Variants in PIP5K1A observed in about 807,000 individuals in gnomAD.
The protein encoded by PIP5K1A is phosphatidylinositol-4-phosphate 5-kinase type 1 alpha.
Under a neutral mutation model 72.9 loss-of-function variants are expected in PIP5K1A, and 46 were observed. The observed-to-expected ratio is 0.63, with a 90% CI of 0.50 to 0.81. PIP5K1A has a LOEUF of 0.81. Among genes scored for constraint, PIP5K1A ranks in the 30% least tolerant of loss-of-function variants. The pLI is 0.00. For synonymous variants in PIP5K1A, 228 were observed against 255.1 expected, an observed-to-expected ratio of 0.89 and a Z score of 1.01; for missense variants, 458 against 706.1, an observed-to-expected ratio of 0.65 and a Z score of 3.98.
chr1:151,232,769 TTCAGCAGGGTAAAACAGTG>T, intron 7 of PIP5K1A, 66 bp downstream of exon 7: 1 of 1,402,520 alleles, frequency 7.1e-7, no homozygotes, highest in Non-Finnish European at 1.0e-6. Flanking sequence ...GGAGGCTGTC[TTCAGCAGGGTAAAACAGTG>T]TCAGCACTTC....
At chr1:151,197,522 A>G (rs893959025), upstream of PIP5K1A, among the ~76,000 whole-genome samples, 2 of 150,182 alleles carry the variant, frequency 1.3e-5, no homozygotes, top group Admixed American at 6.6e-5. Flanking sequence ...CTCGTGATCC[A>G]CCCGCCTCGG....
At position 151,247,860 on chromosome 1, in the gene PIP5K1A, C is replaced by T. The variant is rs773468183; in HGVS notation, c.1687-3C>T. ...TCCTTAACTTTACACTCTCCCTTTT[C>T]AGTAAGCGCAAAGCCTCAGAAGACC... On this transcript the variant is annotated splice_region_variant and splice_polypyrimidine_tract_variant and intron_variant, in intron 15 of 15. Transcript: ENST00000368888. 34 of 1,609,400 alleles carry T rather than the reference C, an allele frequency of 2.1e-5. No individual in the cohort carries two copies. Among genetic ancestry groups the T allele is most frequent in the Non-Finnish European group, 2.9e-5 (34 of 1,176,124 alleles).
At chr1:151,215,026 CTTTTTTTTTTTTTT>C (rs981508990) in intron 1 of PIP5K1A, among the ~76,000 whole-genome samples, 1 of 115,088 alleles carries the variant, frequency 8.7e-6, no homozygotes, top group South Asian at 2.8e-4. Context: ...CCTGTGCATT[CTTTTTTTTTTTTTT>C]TTTTTTTGAG....
At chr1:151,223,219 C>T (rs748350596) in intron 1 of PIP5K1A, among the ~76,000 whole-genome samples, 2 of 151,860 alleles carry the variant, frequency 1.3e-5, no homozygotes, top group Non-Finnish European at 2.9e-5. Context: ...GGCATGGTGG[C>T]GGGCACCTGT....
chr1:151,239,923 C>CCTT (rs3842532), intron 11 of PIP5K1A, 32 bp from the exon 12 acceptor site: 1,305,160 of 1,531,698 alleles, frequency 0.85, 558,958 homozygotes, highest in Non-Finnish European at 0.88. Flanking sequence ...TGCCGGGCCT[C>CCTT]CTAACTCTAT....
intron 1 of PIP5K1A, among the ~76,000 whole-genome samples, chr1:151,217,384 C>T (rs927098480): frequency 6.6e-5 from 10 of 152,158 alleles, no homozygotes; most frequent in Non-Finnish European, 1.3e-4. Flanking sequence ...TGTGTGTGAA[C>T]TAACTTTACT....
intron 6 of PIP5K1A, 28 bp downstream of exon 6, chr1:151,232,393 G>A (rs1353245366): frequency 6.5e-7 from 1 of 1,529,334 alleles, no homozygotes; most frequent in East Asian, 2.2e-5. Flanking sequence ...AGGACACTGT[G>A]ACTCCAGTAT....
rs57872660 is a variant in PIP5K1A, at chr1:151,202,849, T to G, written c.85+3768T>G. On this transcript the variant is annotated intron_variant, in intron 1 of 15. Transcript: ENST00000368888. Reference sequence around the variant, plus strand: ...GTGCGGTGGAGCAATCTTGGCTCACTGCAGCCTCAGCCTCTAGAGTTCAAG... The same window carrying G: ...GTGCGGTGGAGCAATCTTGGCTCACGGCAGCCTCAGCCTCTAGAGTTCAAG... 3.2e-3 allele frequency among the ~76,000 whole-genome samples: 485 copies of G among 151,992 alleles called. 3 individuals carry two copies. The highest frequency in any genetic ancestry group is 0.011 in the African/African-American group (467 of 41,424).
chr1:151,239,173 G>A lies in PIP5K1A; in HGVS notation c.1273G>A (p.Asp425Asn), dbSNP rs748387772. ...GCACTCTTGGAAAGCCCTGGTACAT[G>A]ACGGAGTAAGTAGTAATACTAGAGG... ...LEHSWKALVH[D>N]GDTVSVHRPG... The change falls in exon 11 of 16, where the codon GAC becomes AAC. Residue 425 changes from aspartate to asparagine, a missense_variant. Asp to Asn is a conservative substitution (Grantham distance 23, BLOSUM62 1). Transcript: ENST00000368888. 3 of 1,605,260 alleles carry A rather than the reference G, an allele frequency of 1.9e-6. No homozygotes were observed. Among genetic ancestry groups the A allele is most frequent in the Non-Finnish European group, 2.6e-6 (3 of 1,172,122 alleles).
rs988898078 is a variant in PIP5K1A, at chr1:151,248,680, G to A, written c.*815G>A. The A allele has an allele frequency of 1.3e-5, 2 of 152,624 alleles. No individual in the cohort carries two copies. Among genetic ancestry groups the A allele is most frequent in the African/African-American group, 4.8e-5 (2 of 41,464 alleles). The allele number at this position is 152,624 out of a possible 1,614,324, so 9.5% of individuals were successfully genotyped here. A position where few individuals can be genotyped will look rare whatever the true frequency, so the allele number is the denominator to read the frequency against. ...GGCAGCCATGGGCTGGGAGATCATAGCCCTTCCTAGGCAGAATCCTGTTCA... is the reference window on the plus strand; with the variant it reads ...GGCAGCCATGGGCTGGGAGATCATAACCCTTCCTAGGCAGAATCCTGTTCA... On this transcript the variant is annotated 3_prime_UTR_variant, in exon 16 of 16. Coordinates refer to ENST00000368888, the MANE Select transcript of PIP5K1A (RefSeq NM_001135638.2).
upstream of PIP5K1A, among the ~76,000 whole-genome samples, chr1:151,197,473 G>T (rs990535333): frequency 2.0e-5 from 3 of 150,922 alleles, no homozygotes; most frequent in African/African-American, 4.9e-5. Context: ...TAGAGACGGG[G>T]TTTCACCGTG....
intron 1 of PIP5K1A, among the ~76,000 whole-genome samples, chr1:151,200,075 T>C (rs1685008070): frequency 1.3e-5 from 2 of 151,964 alleles, no homozygotes; most frequent in Admixed American, 1.3e-4. Flanking sequence ...ATGTAGGAAA[T>C]TAAGGTCAAA....
Position 151,198,746 on chromosome 1 carries a change from C to G in PIP5K1A, c.-251C>G. On this transcript the variant is annotated 5_prime_UTR_variant, in exon 1 of 16. The change creates a new upstream start codon in the 5' untranslated region. Transcript: ENST00000368888. ...ACTCTTCTGTGAAAGGGGAAAGTATCCCCTGTGGAAAGCGGTTAAACTTGT... is the reference window on the plus strand; with the variant it reads ...ACTCTTCTGTGAAAGGGGAAAGTATGCCCTGTGGAAAGCGGTTAAACTTGT... 3.5e-6 allele frequency: 2 copies of G among 575,996 alleles called. No individual in the cohort carries two copies. Among genetic ancestry groups the G allele is most frequent in the Non-Finnish European group, 3.1e-6 (1 of 320,932 alleles). The allele number at this position is 575,996 out of a possible 1,614,324, so 35.7% of individuals were successfully genotyped here.
intron 8 of PIP5K1A, among the ~76,000 whole-genome samples, chr1:151,234,726 A>G (rs1690611864): frequency 6.6e-6 from 1 of 152,212 alleles, no homozygotes; most frequent in Admixed American, 6.5e-5. Flanking sequence ...TGGGCCTCAC[A>G]GTCAAATGTT....
intron 14 of PIP5K1A, 60 bp downstream of exon 14, chr1:151,242,627 CCT>C: frequency 1.4e-6 from 2 of 1,414,720 alleles, no homozygotes; most frequent in South Asian, 1.2e-5. Flanking sequence ...TCCTTGGAAA[CCT>C]CTATAATTTG....
In PIP5K1A at chr1:151,198,963, G is replaced by A; in HGVS notation, c.-34G>A. 1 of 1,598,212 alleles carries A rather than the reference G, an allele frequency of 6.3e-7. No individual in the cohort carries two copies. Among genetic ancestry groups the A allele is most frequent in the Non-Finnish European group, 8.6e-7 (1 of 1,165,922 alleles). On this transcript the variant is annotated 5_prime_UTR_variant, in exon 1 of 16. Coordinates refer to ENST00000368888, the MANE Select transcript of PIP5K1A (RefSeq NM_001135638.2). ...GAAGAGGAAGAACCGGATTGAAAGA[G>A]AGCCAGGCCGCTGAGGGGGAGGGGG...
intron 8 of PIP5K1A, 42 bp downstream of exon 8, chr1:151,234,538 A>G (rs1433637386): frequency 6.6e-7 from 1 of 1,511,412 alleles, no homozygotes; most frequent in Non-Finnish European, 9.2e-7. Flanking sequence ...AGTTACTAAA[A>G]CAGCTTGATT....
chr1:151,225,215 AC>A (rs1318640397), intron 3 of PIP5K1A, among the ~76,000 whole-genome samples: 4 of 151,866 alleles, frequency 2.6e-5, no homozygotes, highest in African/African-American at 9.7e-5. Flanking sequence ...AGTCCCAGCT[AC>A]TCGGGATTGC....
chr1:151,234,181 C>A lies in PIP5K1A; in HGVS notation c.640-16C>A, dbSNP rs371148181. The stretch of plus-strand genomic sequence containing the variant: ...CTAAGTTGTTCTCCTACTTCTGTTT[C>A]CTTTTGTGTTCTCAGAACCTCAACC... On this transcript the variant is annotated splice_polypyrimidine_tract_variant and intron_variant, in intron 7 of 15. Coordinates refer to ENST00000368888, the MANE Select transcript of PIP5K1A (RefSeq NM_001135638.2). The A allele has an allele frequency of 3.5e-5, 55 of 1,571,818 alleles. No individual in the cohort carries two copies. The highest frequency in any genetic ancestry group is 4.4e-5 in the Non-Finnish European group (51 of 1,158,470).
Sources: allele counts gnomAD v4.1 joint callset (sites outside exome capture counted in the v4.1 genomes callset), GRCh38; gene constraint gnomAD v4.1.1; transcripts MANE v1.5; gene names NCBI Gene and HGNC (gene_info 2026-07-23, HGNC 2026-07-21).